PCBP3: variants seen among roughly 807,000 people sequenced by gnomAD.
PCBP3 encodes poly(rC) binding protein 3, also known as poly(rC)-binding protein 3.
Under a neutral mutation model 52.7 loss-of-function variants are expected in PCBP3, and 25 were observed. The ratio of observed to expected loss-of-function variants is 0.47; its 90% CI spans 0.35 to 0.66. PCBP3 has a LOEUF of 0.66. PCBP3 is among the 30% of genes least tolerant of loss of function. The pLI, the probability that PCBP3 is intolerant of heterozygous loss-of-function variation, is 0.01. For missense variants in PCBP3, 391 were observed against 490.3 expected, an observed-to-expected ratio of 0.80 and a Z score of 1.91; for synonymous variants, 162 against 183.0, an observed-to-expected ratio of 0.89 and a Z score of 0.93.
intron 2 of PCBP3, among the ~76,000 whole-genome samples, chr21:45,690,040 TAAAACAGCCAC>T: frequency 6.6e-6 from 1 of 152,232 alleles, no homozygotes; most frequent in East Asian, 1.9e-4. Flanking sequence ...GCAAAAGACC[TAAAACAGCCAC>T]AACTATTTGG....
At chr21:45,645,937 A>AAATGCTGTAG (rs2079218722) in intron 1 of PCBP3, among the ~76,000 whole-genome samples, 1 of 152,206 alleles carries the variant, frequency 6.6e-6, no homozygotes, top group African/African-American at 2.4e-5. Context: ...ACATTAGAAT[A>AAATGCTGTAG]AATGCTGTAG....
chr21:45,681,182 T>C (rs2081820821), intron 2 of PCBP3, among the ~76,000 whole-genome samples: 1 of 152,212 alleles, frequency 6.6e-6, no homozygotes. Context: ...ACAATGGGGA[T>C]TTAGTTTCAG....
intron 2 of PCBP3, among the ~76,000 whole-genome samples, chr21:45,684,723 G>A (rs1043215248): frequency 6.6e-6 from 1 of 152,158 alleles, no homozygotes; most frequent in African/African-American, 2.4e-5. Context: ...AGCCCGCAGA[G>A]CCATGAGCCA....
chr21:45,662,346 C>G (rs1291845633), intron 1 of PCBP3, among the ~76,000 whole-genome samples: 1 of 131,356 alleles, frequency 7.6e-6, no homozygotes, highest in Admixed American at 8.9e-5. Flanking sequence ...GTCCTGAGCT[C>G]CTGGGCTCAA....
intron 4 of PCBP3, among the ~76,000 whole-genome samples, chr21:45,799,683 C>T (rs551854864): frequency 2.7e-4 from 41 of 151,494 alleles, no homozygotes; most frequent in South Asian, 1.3e-3. Flanking sequence ...ACGGCCAGGC[C>T]AAGGTATCCG....
At chr21:45,744,679 A>C (rs537267617) in intron 3 of PCBP3, among the ~76,000 whole-genome samples, 2 of 152,086 alleles carry the variant, frequency 1.3e-5, no homozygotes, top group Non-Finnish European at 2.9e-5. Flanking sequence ...TTTTTCTTCA[A>C]GTTAATGCTA....
chr21:45,833,165 C>T (rs1163944737), intron 4 of PCBP3, among the ~76,000 whole-genome samples: 2 of 152,210 alleles, frequency 1.3e-5, no homozygotes, highest in African/African-American at 4.8e-5. Context: ...GACACGGCCT[C>T]AGGCCATGGG....
At chr21:45,866,295 C>T (rs577671894) in intron 5 of PCBP3, among the ~76,000 whole-genome samples, 99 of 152,230 alleles carry the variant, frequency 6.5e-4, no homozygotes, top group Non-Finnish European at 1.1e-3. Context: ...GCCATCAGGT[C>T]AGATATGAAC....
intron 4 of PCBP3, among the ~76,000 whole-genome samples, chr21:45,786,444 A>G (rs969216321): frequency 6.6e-6 from 1 of 151,784 alleles, no homozygotes; most frequent in African/African-American, 2.4e-5. Flanking sequence ...GCGCCCACCA[A>G]TGTGCCTGGC....
chr21:45,801,242 T>TGGGGAACCTGGCTGCTAGCCTTGC (rs1207924146), intron 4 of PCBP3, among the ~76,000 whole-genome samples: 6 of 152,208 alleles, frequency 3.9e-5, no homozygotes, highest in Non-Finnish European at 8.8e-5. Flanking sequence ...GCCAGCCTTG[T>TGGGGAACCTGGCTGCTAGCCTTGC]GGGGACCCTG....
In PCBP3 at chr21:45,941,724, C is replaced by T. The variant is rs1418058550; in HGVS notation, c.*18C>T. 3.8e-6 allele frequency: 6 copies of T among 1,595,794 alleles called. No individual in the cohort carries two copies. Among genetic ancestry groups the T allele is most frequent in the Admixed American group, 1.7e-5 (1 of 57,716 alleles). ...CGCTGTAATCCTACCCAGCACCCTT[C>T]CCCCGCGTCACCCACCTGCCAGAGC... On this transcript the variant is annotated 3_prime_UTR_variant, in exon 18 of 18. Coordinates refer to ENST00000681687, the MANE Select transcript of PCBP3 (RefSeq NM_001384156.1).
intron 13 of PCBP3, among the ~76,000 whole-genome samples, chr21:45,922,737 C>A (rs1011726841): frequency 3.3e-5 from 5 of 152,202 alleles, no homozygotes; most frequent in African/African-American, 1.2e-4. Context: ...GCCTTTGCAC[C>A]AACCCTGTGA....
intron 3 of PCBP3, among the ~76,000 whole-genome samples, chr21:45,745,579 C>A (rs1220852817): frequency 6.6e-6 from 1 of 152,188 alleles, no homozygotes; most frequent in African/African-American, 2.4e-5. Flanking sequence ...GAACTGGAGG[C>A]CCAAGTTATG....
intron 5 of PCBP3, among the ~76,000 whole-genome samples, chr21:45,862,527 T>G (rs1004075873): frequency 2.0e-5 from 3 of 152,192 alleles, no homozygotes; most frequent in Non-Finnish European, 4.4e-5. Flanking sequence ...TTCTGGGTAA[T>G]GATCAGTGAC....
intron 2 of PCBP3, among the ~76,000 whole-genome samples, chr21:45,689,276 G>A (rs1049356613): frequency 2.0e-5 from 3 of 151,952 alleles, no homozygotes; most frequent in Non-Finnish European, 4.4e-5. Context: ...TTCAACCTAG[G>A]AATGCAAGGT....
intron 1 of PCBP3, among the ~76,000 whole-genome samples, chr21:45,654,110 A>G (rs1384987538): frequency 6.6e-6 from 1 of 152,130 alleles, no homozygotes; most frequent in Non-Finnish European, 1.5e-5. Flanking sequence ...TAACGGTATT[A>G]TATTAACAAT....
chr21:45,925,077 G>C (rs2075191431), intron 13 of PCBP3, among the ~76,000 whole-genome samples: 1 of 91,288 alleles, frequency 1.1e-5, no homozygotes, highest in African/African-American at 5.6e-5. Context: ...GTGTGCGTGA[G>C]GAGATGCGAA....
intron 4 of PCBP3, among the ~76,000 whole-genome samples, chr21:45,770,820 T>A (rs2145798687): frequency 6.6e-6 from 1 of 152,330 alleles, no homozygotes; most frequent in African/African-American, 2.4e-5. Context: ...GGCCAGCCTC[T>A]GCAGCCATGT....
intron 5 of PCBP3, among the ~76,000 whole-genome samples, chr21:45,885,976 G>C (rs1001122118): frequency 2.6e-5 from 4 of 152,226 alleles, no homozygotes; most frequent in Admixed American, 6.5e-5. Flanking sequence ...TGAGACTCTG[G>C]TTATATAAAC....
Sources: gnomAD v4.1 joint callset for allele counts (sites outside exome capture counted in the v4.1 genomes callset) on GRCh38, gnomAD v4.1.1 for gene constraint, MANE v1.5 for transcripts, NCBI Gene and HGNC (gene_info 2026-07-23, HGNC 2026-07-21) for gene names.